The following BICDL1 variants were observed in gnomAD, a reference collection of about 807,000 sequenced individuals.
BICDL1 encodes the protein BICD family like cargo adaptor 1.
In BICDL1, 20 loss-of-function variants were observed where a neutral mutation model predicts 76.8. The observed-to-expected ratio is 0.26, with a 90% CI of 0.18 to 0.38. The LOEUF is 0.38. Ranked by LOEUF, BICDL1 falls within the 10% of genes least tolerant of loss-of-function variation. The probability of loss-of-function intolerance (pLI) is 1.00; values close to 1 mark genes in which losing one functional copy is unlikely to be tolerated. For synonymous variants in BICDL1, 383 were observed against 337.1 expected (o/e 1.14, Z -1.49); for missense variants, 700 against 798.6 (o/e 0.88, Z 1.49).
chr12:120,087,185 T>C (rs1874492320), intron 8 of BICDL1, among the ~76,000 whole-genome samples: 1 of 152,248 alleles, frequency 6.6e-6, no homozygotes, highest in Non-Finnish European at 1.5e-5. Flanking sequence ...CGCTGTTTGC[T>C]GCCAGCCAAT....
At chr12:120,057,304 C>G in intron 2 of BICDL1, 1 of 314,096 alleles carries the variant, frequency 3.2e-6, no homozygotes, top group Non-Finnish European at 6.2e-6. Context: ...GCGCCTGGCC[C>G]ATTTGATTCA....
Position 119,989,662 on chromosome 12 carries a change from C to T in BICDL1, c.-207C>T, listed in dbSNP as rs1306467939. Reference sequence around the variant, plus strand: ...CCGCGCGCGCCTGAGCAGCTGAGCCCGGGGGCGGGGGAGGGGGCGCGTGCC... The same window carrying T: ...CCGCGCGCGCCTGAGCAGCTGAGCCTGGGGGCGGGGGAGGGGGCGCGTGCC... On this transcript the variant is annotated 5_prime_UTR_variant, in exon 1 of 10. Coordinates refer to ENST00000548673, the MANE Select transcript of BICDL1 (RefSeq NM_001367886.1). Among the ~76,000 whole-genome samples, 1 of 147,594 alleles carries T rather than the reference C, an allele frequency of 6.8e-6. No individual in the cohort carries two copies. Among genetic ancestry groups the T allele is most frequent in the Non-Finnish European group, 1.5e-5 (1 of 66,444 alleles).
chr12:120,058,740 G>A (rs1292427927), intron 2 of BICDL1, among the ~76,000 whole-genome samples: 1 of 151,620 alleles, frequency 6.6e-6, no homozygotes. Flanking sequence ...ACAGGCACCC[G>A]CCACCACGCC....
At chr12:120,011,430 TAA>T (rs1483230813) in intron 2 of BICDL1, among the ~76,000 whole-genome samples, 1 of 152,238 alleles carries the variant, frequency 6.6e-6, no homozygotes, top group African/African-American at 2.4e-5. Context: ...GGCTGATTGC[TAA>T]GATCTTCCAA....
chr12:120,052,102 A>G (rs1013337694), intron 2 of BICDL1, among the ~76,000 whole-genome samples: 1 of 151,844 alleles, frequency 6.6e-6, no homozygotes, highest in African/African-American at 2.4e-5. Context: ...CACCACACCC[A>G]GCTAATTTTT....
At chr12:120,074,107 G>T (rs1468549911) in intron 6 of BICDL1, among the ~76,000 whole-genome samples, 4 of 151,994 alleles carry the variant, frequency 2.6e-5, no homozygotes, top group African/African-American at 4.8e-5. Flanking sequence ...TAGAGACAGG[G>T]TTTCACCGTG....
chr12:120,002,305 A>G (rs1433946342), intron 2 of BICDL1, among the ~76,000 whole-genome samples: 1 of 152,192 alleles, frequency 6.6e-6, no homozygotes, highest in Non-Finnish European at 1.5e-5. Flanking sequence ...GAACTTCAAT[A>G]TATGGATAGG....
chr12:120,046,809 G>A (rs1952759156), intron 2 of BICDL1, among the ~76,000 whole-genome samples: 1 of 152,174 alleles, frequency 6.6e-6, no homozygotes, highest in South Asian at 2.1e-4. Flanking sequence ...GTACAGTGTG[G>A]TGTATTAGGA....
chr12:120,075,518 A>G (rs1873473130), intron 7 of BICDL1, among the ~76,000 whole-genome samples: 2 of 151,996 alleles, frequency 1.3e-5, no homozygotes, highest in Admixed American at 1.3e-4. Context: ...TCAGCTGCCA[A>G]AGTAGCTGGG....
intron 2 of BICDL1, among the ~76,000 whole-genome samples, chr12:120,049,702 T>C (rs1291924980): frequency 1.3e-5 from 2 of 152,252 alleles, no homozygotes; most frequent in Admixed American, 1.3e-4. Flanking sequence ...CTGTCCTTTC[T>C]GGAACTGCAG....
At chr12:120,053,911 C>T (rs1566246357) in intron 2 of BICDL1, among the ~76,000 whole-genome samples, 2 of 151,852 alleles carry the variant, frequency 1.3e-5, no homozygotes, top group African/African-American at 4.8e-5. Flanking sequence ...AGTGGCTCAC[C>T]CCTGTAATCC....
intron 2 of BICDL1, among the ~76,000 whole-genome samples, chr12:120,036,007 A>G (rs918906942): frequency 6.6e-6 from 1 of 151,964 alleles, no homozygotes; most frequent in East Asian, 1.9e-4. Context: ...TAGTTTTTAC[A>G]ATTTATGTTT....
At chr12:120,037,265 A>G (rs1330225350) in intron 2 of BICDL1, among the ~76,000 whole-genome samples, 4 of 152,140 alleles carry the variant, frequency 2.6e-5, no homozygotes, top group Admixed American at 6.5e-5. Flanking sequence ...TTTATTAATA[A>G]ATGTTCATTT....
At chr12:119,990,505 C>T (rs536181261) in intron 1 of BICDL1, among the ~76,000 whole-genome samples, 10 of 152,318 alleles carry the variant, frequency 6.6e-5, no homozygotes, top group Non-Finnish European at 1.0e-4. Context: ...CAAATGGGTC[C>T]ATGCGTGGCT....
Position 120,072,648 on chromosome 12 carries a change from T to G in BICDL1, c.1227T>G (p.Asp409Glu). 1 of 1,614,164 alleles carries G rather than the reference T, an allele frequency of 6.2e-7. No individual in the cohort carries two copies. ...CTTCAGAAACCTCGTCCGCCAAGGA[T>G]GTGCCAGCCGGCAGCTTGCGCACTG... is the stretch of plus-strand genomic sequence containing the variant. ...DESSETSSAK[D>E]VPAGSLRTAL... Residue 409 changes from aspartate (D) to glutamate (E), a missense_variant, in exon 6 of 10, where the codon GAT (aspartate) becomes GAG (glutamate). Coordinates refer to ENST00000548673, the MANE Select transcript of BICDL1 (RefSeq NM_001367886.1).
At chr12:120,008,946 G>GTT (rs557926360) in intron 2 of BICDL1, among the ~76,000 whole-genome samples, 21 of 131,642 alleles carry the variant, frequency 1.6e-4, no homozygotes, top group South Asian at 4.9e-4. Context: ...GCATAGAGGT[G>GTT]TTTTTTTTTT....
chr12:120,006,179 T>A (rs1428228637), intron 2 of BICDL1, among the ~76,000 whole-genome samples: 1 of 152,184 alleles, frequency 6.6e-6, no homozygotes, highest in Non-Finnish European at 1.5e-5. Context: ...CCCGTCATCA[T>A]GGAATGGTGC....
chr12:120,064,542 A>G (rs1953178387), intron 3 of BICDL1, 191 bp from the exon 4 acceptor site: 2 of 401,584 alleles, frequency 5.0e-6, no homozygotes, highest in Non-Finnish European at 8.7e-6. Context: ...CTTCCCAGAC[A>G]GGTTTCTAGA....
chr12:120,044,095 A>G (rs1952699055), intron 2 of BICDL1, among the ~76,000 whole-genome samples: 1 of 152,242 alleles, frequency 6.6e-6, no homozygotes, highest in South Asian at 2.1e-4. Context: ...AGGGTATATC[A>G]TGAACAAAGT....
Sources: allele counts gnomAD v4.1 joint callset (sites outside exome capture counted in the v4.1 genomes callset), GRCh38; gene constraint gnomAD v4.1.1; transcripts MANE v1.5; gene names NCBI Gene and HGNC (gene_info 2026-07-23, HGNC 2026-07-21).